ACCSL: variants seen among roughly 807,000 people sequenced by gnomAD.
The protein encoded by ACCSL is 1-aminocyclopropane-1-carboxylate synthase homolog (inactive) like, also known as probable inactive 1-aminocyclopropane-1-carboxylate synthase-like protein 2.
Under a neutral mutation model 61.7 loss-of-function variants are expected in ACCSL, and 55 were observed. The ratio of observed to expected loss-of-function variants is 0.89; its 90% CI spans 0.72 to 1.12. The LOEUF (loss-of-function observed/expected upper bound fraction) is 1.12. Ranked by LOEUF, ACCSL falls within the 50% of genes most tolerant of loss-of-function variation. ACCSL has a pLI of 0.00. For synonymous variants in ACCSL, 258 were observed against 264.3 expected (o/e 0.98, Z 0.23); for missense variants, 632 against 698.0 (o/e 0.91, Z 1.07).
chr11:44,022,881 GT>G, the ACCSL span, among the ~76,000 whole-genome samples: 29,319 of 151,830 alleles, frequency 0.19, 2,990 homozygotes, highest in East Asian at 0.3. Flanking sequence ...CTCCTTTTCT[GT>G]TTTTGGAAGA....
the ACCSL span, among the ~76,000 whole-genome samples, chr11:44,036,455 G>A: frequency 2.6e-5 from 4 of 152,274 alleles, no homozygotes; most frequent in South Asian, 4.1e-4. Context: ...TGGGAGGCCC[G>A]TTATATGGAA....
intron 1 of ACCSL, 115 bp downstream of exon 1, chr11:44,048,655 G>A (rs911827369): frequency 2.8e-6 from 3 of 1,056,200 alleles, no homozygotes; most frequent in Middle Eastern, 2.9e-4. Flanking sequence ...CTTATGAAAC[G>A]GGCACTCTTG....
At chr11:43,941,957 T>C in the ACCSL span, among the ~76,000 whole-genome samples, 3 of 148,298 alleles carry the variant, frequency 2.0e-5, no homozygotes, top group Non-Finnish European at 4.5e-5. Context: ...GGTGGGGGAG[T>C]GAGGAGACAA....
the ACCSL span, among the ~76,000 whole-genome samples, chr11:44,018,347 C>G: frequency 2.0e-5 from 3 of 152,208 alleles, no homozygotes; most frequent in Admixed American, 6.5e-5. Context: ...CTCTCACCAG[C>G]TGTGCAGACA....
At chr11:44,037,736 T>A in the ACCSL span, among the ~76,000 whole-genome samples, 1 of 152,204 alleles carries the variant, frequency 6.6e-6, no homozygotes, top group Non-Finnish European at 1.5e-5. Context: ...GAAAGATTAG[T>A]TAGAAATGAA....
chr11:44,059,912 AG>A lies in ACCSL; in HGVS notation c.1702del (p.Glu568SerfsTer?), dbSNP rs1353895016. On this transcript the variant is annotated frameshift_variant, in exon 14 of 14. Transcript: ENST00000378832. LOFTEE classifies it high-confidence loss of function. ...AGTGAAGCAGTTGGAGGATGCAATGAGGGAGTAGGCCGTCTGCCTCCCAACC... is the reference window on the plus strand; with the variant it reads ...AGTGAAGCAGTTGGAGGATGCAATGAGGAGTAGGCCGTCTGCCTCCCAACC... ...LIVKQLEDAM[R>X]E 6.2e-7 allele frequency: 1 copy of A among 1,613,694 alleles called. No individual in the cohort carries two copies. Among genetic ancestry groups the A allele is most frequent in the African/African-American group, 1.3e-5 (1 of 75,040 alleles).
At chr11:44,034,317 A>G in the ACCSL span, among the ~76,000 whole-genome samples, 1 of 152,140 alleles carries the variant, frequency 6.6e-6, no homozygotes, top group Non-Finnish European at 1.5e-5. Flanking sequence ...CTTCCCAGTG[A>G]TTTTGACATG....
chr11:43,978,787 T>TG, the ACCSL span, among the ~76,000 whole-genome samples: 1 of 72,468 alleles, frequency 1.4e-5, no homozygotes, highest in African/African-American at 6.4e-5. Context: ...AGGTGGGTTT[T>TG]TTTTTTTTTT....
At chr11:44,029,177 C>A in the ACCSL span, among the ~76,000 whole-genome samples, 1 of 152,234 alleles carries the variant, frequency 6.6e-6, no homozygotes, top group African/African-American at 2.4e-5. Context: ...CAAAACCCTA[C>A]AAAGGCTTCT....
the ACCSL span, among the ~76,000 whole-genome samples, chr11:44,013,375 A>G: frequency 0.069 from 10,483 of 152,000 alleles, 383 homozygotes; most frequent in Non-Finnish European, 0.092. Flanking sequence ...TGCCTCCTGG[A>G]TTCAAGCGAT....
chr11:43,943,804 A>G, the ACCSL span: 1 of 1,303,148 alleles, frequency 7.7e-7, no homozygotes, highest in South Asian at 1.2e-5. The surrounding 1 kb of genome is among the most constrained non-coding windows in gnomAD (Gnocchi z 4.8). Context: ...GAAGGCATTT[A>G]TTTAACGATC....
chr11:44,030,252 T>G, the ACCSL span, among the ~76,000 whole-genome samples: 1 of 151,236 alleles, frequency 6.6e-6, no homozygotes, highest in East Asian at 2.0e-4. Flanking sequence ...GCTCAACAAA[T>G]TTGAGGAGTC....
chr11:43,961,426 A>G, the ACCSL span, among the ~76,000 whole-genome samples: 9 of 152,140 alleles, frequency 5.9e-5, no homozygotes, highest in African/African-American at 1.9e-4. Context: ...TGATGGGCCC[A>G]TGAGACTCAG....
chr11:43,997,841 C>T, the ACCSL span, among the ~76,000 whole-genome samples: 1 of 152,194 alleles, frequency 6.6e-6, no homozygotes, highest in Non-Finnish European at 1.5e-5. Context: ...AGCAGCTCTG[C>T]GGTCCTCCTG....
At chr11:43,949,064 G>A in the ACCSL span, among the ~76,000 whole-genome samples, 1 of 152,226 alleles carries the variant, frequency 6.6e-6, no homozygotes, top group South Asian at 2.1e-4. Flanking sequence ...CTCAGGGCCA[G>A]ATTTGCATAG....
the ACCSL span, among the ~76,000 whole-genome samples, chr11:44,027,017 C>G: frequency 6.6e-6 from 1 of 152,170 alleles, no homozygotes; most frequent in Non-Finnish European, 1.5e-5. Flanking sequence ...CGTGAGCCAC[C>G]GCACCCAGCC....
At position 44,048,176 on chromosome 11, in the gene ACCSL, T is replaced by C. The variant is rs776658808; in HGVS notation, c.140T>C (p.Leu47Pro). ...QQAMTEHFVQ[L>P]TSRQGLSLEE... ...GCCATGACGGAGCACTTCGTGCAGC[T>C]GACGAGCAGACAGGGCCTGTCGCTG... is the stretch of plus-strand genomic sequence containing the variant. The change falls in exon 1 of 14, where the codon CTG (leucine) becomes CCG (proline). Residue 47 changes from leucine (L) to proline (P), a missense_variant. Coordinates refer to ENST00000378832, the MANE Select transcript of ACCSL (RefSeq NM_001031854.2). 24 of 1,614,188 alleles carry C rather than the reference T, an allele frequency of 1.5e-5. No individual in the cohort carries two copies. Among genetic ancestry groups the C allele is most frequent in the Non-Finnish European group, 2.0e-5 (24 of 1,180,040 alleles).
the ACCSL span, among the ~76,000 whole-genome samples, chr11:44,000,287 G>C: frequency 1.2e-3 from 190 of 152,202 alleles, no homozygotes; most frequent in Non-Finnish European, 2.4e-3. Context: ...ACCATGCTCA[G>C]CTAATTTTTG....
chr11:44,050,194 G>T, intron 2 of ACCSL, 73 bp downstream of exon 2: 1 of 1,247,770 alleles, frequency 8.0e-7, no homozygotes, highest in Non-Finnish European at 1.2e-6. Context: ...CCTGAGCTAT[G>T]GTAGATACAG....
Sources: allele counts gnomAD v4.1 joint callset (sites outside exome capture counted in the v4.1 genomes callset), GRCh38; gene constraint gnomAD v4.1.1; non-coding constraint Gnocchi (gnomAD v3.1); transcripts MANE v1.5; gene names NCBI Gene and HGNC (gene_info 2026-07-23, HGNC 2026-07-21).